The following TBC1D32 variants were observed in gnomAD, a reference collection of about 807,000 sequenced individuals.
The protein encoded by TBC1D32 is protein broad-minded.
In TBC1D32, 151 loss-of-function variants were observed where a neutral mutation model predicts 170.3. The observed-to-expected ratio is 0.89, with a 90% CI of 0.78 to 1.01. The LOEUF (loss-of-function observed/expected upper bound fraction) is 1.01. TBC1D32 is among the 50% of genes least tolerant of loss of function. TBC1D32 has a pLI of 0.00. For synonymous variants in TBC1D32, 498 were observed against 488.0 expected, an observed-to-expected ratio of 1.02 and a Z score of -0.27; for missense variants, 1,464 against 1,457.1, an observed-to-expected ratio of 1.00 and a Z score of -0.08.
intron 30 of TBC1D32, among the ~76,000 whole-genome samples, chr6:121,092,998 G>A (rs768561221): frequency 2.6e-5 from 4 of 152,104 alleles, no homozygotes; most frequent in Non-Finnish European, 5.9e-5. Flanking sequence ...GGTGTTAAGA[G>A]TTTCCTTTAC....
chr6:121,323,810 T>C (rs1583763063), intron 1 of TBC1D32, among the ~76,000 whole-genome samples: 2 of 152,190 alleles, frequency 1.3e-5, no homozygotes, highest in African/African-American at 4.8e-5. Flanking sequence ...CGTGGTGGCA[T>C]GTGGCTGTAG....
In TBC1D32 at chr6:121,186,439, C is replaced by T. The variant is rs146124218; in HGVS notation, c.2570+18636G>A. Among the ~76,000 whole-genome samples, 27 of 151,894 alleles carry T rather than the reference C, an allele frequency of 1.8e-4. No individual in the cohort carries two copies. The East Asian group carries it at 5.2e-3, about 29-fold the overall frequency. ...TAACAAAGCTTTAGATATAAAAAAA[C>T]AAAACTTAGATATAGATAATATATA... On this transcript the variant is annotated intron_variant, in intron 22 of 31. Coordinates refer to ENST00000398212, the MANE Select transcript of TBC1D32 (RefSeq NM_152730.6).
At chr6:121,240,601 CAT>C (rs1796849432) in intron 19 of TBC1D32, among the ~76,000 whole-genome samples, 1 of 151,464 alleles carries the variant, frequency 6.6e-6, no homozygotes, top group African/African-American at 2.4e-5. Flanking sequence ...TAATATAAGA[CAT>C]ATTGGCCGGG....
chr6:121,112,643 AT>A lies in TBC1D32; in HGVS notation c.3185del (p.Asn1062IlefsTer14). 1 of 1,585,378 alleles carries A rather than the reference AT, an allele frequency of 6.3e-7. No individual in the cohort carries two copies. The highest frequency in any genetic ancestry group is 1.2e-5 in the South Asian group (1 of 84,258). Reference sequence around the variant, plus strand: ...ATACAAACCAGTCATGGCCAGCATAATTCCCTTGCAGGCAGACTGAAAAACA... The same window carrying A: ...ATACAAACCAGTCATGGCCAGCATAATCCCTTGCAGGCAGACTGAAAAACA... ...IKSSLLCLQG[N>X]YAGHDWFVSS... On this transcript the variant is annotated frameshift_variant, in exon 29 of 32. Transcript: ENST00000398212. LOFTEE classifies it high-confidence loss of function.
intron 22 of TBC1D32, among the ~76,000 whole-genome samples, chr6:121,175,441 G>A (rs889288443): frequency 6.6e-6 from 1 of 152,144 alleles, no homozygotes; most frequent in African/African-American, 2.4e-5. Context: ...TAGAAATAAT[G>A]TAAAGCTTAG....
At chr6:121,249,267 C>T (rs1030107754) in intron 17 of TBC1D32, among the ~76,000 whole-genome samples, 1 of 151,276 alleles carries the variant, frequency 6.6e-6, no homozygotes, top group Non-Finnish European at 1.5e-5. Context: ...AATCTAGCAC[C>T]CCTTTAGATT....
At chr6:121,114,822 A>G (rs530242104) in intron 27 of TBC1D32, among the ~76,000 whole-genome samples, 45 of 152,194 alleles carry the variant, frequency 3.0e-4, no homozygotes, top group Non-Finnish European at 5.1e-4. Flanking sequence ...TCCTTCAGGT[A>G]CTTTTGTACT....
intron 15 of TBC1D32, among the ~76,000 whole-genome samples, chr6:121,270,482 C>T (rs368642602): frequency 1.3e-5 from 2 of 152,208 alleles, no homozygotes; most frequent in East Asian, 1.9e-4. Flanking sequence ...ACTATAAACA[C>T]CTCTACGCAA....
chr6:121,212,605 C>T (rs2128314012), intron 21 of TBC1D32, among the ~76,000 whole-genome samples: 1 of 152,080 alleles, frequency 6.6e-6, no homozygotes, highest in South Asian at 2.1e-4. Context: ...CAGGCATGTG[C>T]CACCACACCT....
chr6:121,249,953 C>A (rs1563076004), intron 17 of TBC1D32, among the ~76,000 whole-genome samples: 1 of 151,558 alleles, frequency 6.6e-6, no homozygotes, highest in Non-Finnish European at 1.5e-5. Flanking sequence ...AAAATACCAC[C>A]ATCATTCTTC....
chr6:121,294,459 A>T, intron 11 of TBC1D32, 111 bp downstream of exon 11: 1 of 687,754 alleles, frequency 1.5e-6, no homozygotes, highest in Non-Finnish European at 2.5e-6. Context: ...AGTAAAAGTG[A>T]CCTAATTTAC....
At chr6:121,190,117 CACACACACACA>C (rs1789774372) in intron 22 of TBC1D32, among the ~76,000 whole-genome samples, 1 of 138,662 alleles carries the variant, frequency 7.2e-6, no homozygotes, top group Non-Finnish European at 1.6e-5. Context: ...CACACACACA[CACACACACACA>C]CACGACCCTC....
Position 121,200,342 on chromosome 6 carries a change from T to C in TBC1D32, c.2570+4733A>G, listed in dbSNP as rs1011886290. On this transcript the variant is annotated intron_variant, in intron 22 of 31. Transcript: ENST00000398212. ...CCACAGCCTATAATAAAACTTAATGTGGTCAGTTTGATATAAAGAAAACTA... is the reference window on the plus strand; with the variant it reads ...CCACAGCCTATAATAAAACTTAATGCGGTCAGTTTGATATAAAGAAAACTA... Among the ~76,000 whole-genome samples the C allele has an allele frequency of 2.1e-4, 32 of 151,338 alleles. 2 individuals are homozygous for C. Among genetic ancestry groups the C allele is most frequent in the African/African-American group, 6.9e-4 (28 of 40,726 alleles).
At position 121,289,350 on chromosome 6, in the gene TBC1D32, A is replaced by G. The variant is rs181920511; in HGVS notation, c.1372+2703T>C. 6.2e-4 allele frequency among the ~76,000 whole-genome samples: 95 copies of G among 152,340 alleles called. 1 individual carries two copies. The highest frequency in any genetic ancestry group is 3.3e-3 in the Admixed American group (51 of 15,304). ...ATGTACAAAAATCACAGGCATTCCT[A>G]TACACCAATAACAGACAAACAGCCA... On this transcript the variant is annotated intron_variant, in intron 12 of 31. Transcript: ENST00000398212.
chr6:121,222,965 A>G (rs1361885062), intron 21 of TBC1D32, among the ~76,000 whole-genome samples: 3 of 152,160 alleles, frequency 2.0e-5, no homozygotes, highest in African/African-American at 7.2e-5. Flanking sequence ...AAAATCACTC[A>G]CATGTATACT....
intron 4 of TBC1D32, among the ~76,000 whole-genome samples, chr6:121,308,686 C>CTTCTTTTTTTTTTTTTT: frequency 8.9e-6 from 1 of 112,572 alleles, no homozygotes; most frequent in African/African-American, 3.9e-5. Flanking sequence ...AAGCTTACTT[C>CTTCTTTTTTTTTTTTTT]TTTTTTTTTT....
chr6:121,202,741 C>A (rs9385188), intron 22 of TBC1D32, among the ~76,000 whole-genome samples: 132,757 of 150,822 alleles, frequency 0.88, 59,277 homozygotes, highest in East Asian at 0.98. Flanking sequence ...GGAGAAAAGG[C>A]GTAGGGGTGA....
In TBC1D32 at chr6:121,281,582, G is replaced by A. The variant is rs1420970314; in HGVS notation, c.1570C>T (p.Leu524Phe). 4 of 1,606,190 alleles carry A rather than the reference G, an allele frequency of 2.5e-6. No individual in the cohort carries two copies. The highest frequency in any genetic ancestry group is 1.7e-4 in the Middle Eastern group (1 of 6,030). ...CLYNNIVIET[L>F]LQPIHNLMKG... is the part of the protein sequence containing the mutation. The stretch of plus-strand genomic sequence containing the variant: ...ATTAAATTGTGAATAGGCTGAAGAA[G>A]TGTCTCTATTACAATGTTGTTATAT... The change falls in exon 14 of 32, where the codon CTT becomes TTT. Residue 524 changes from leucine (L) to phenylalanine (F), a missense_variant. Around this residue, in one of 3 missense-constraint regions of TBC1D32, gnomAD observed 1,363 missense variants for 1,338.1 expected, o/e 1.02. Coordinates refer to ENST00000398212, the MANE Select transcript of TBC1D32 (RefSeq NM_152730.6).
chr6:121,108,179 A>G (rs1582805737), intron 29 of TBC1D32, among the ~76,000 whole-genome samples: 2 of 152,248 alleles, frequency 1.3e-5, no homozygotes, highest in East Asian at 3.9e-4. Flanking sequence ...TAGTTGGTCT[A>G]TTAATTACCA....
Sources: gnomAD v4.1 joint callset for allele counts (sites outside exome capture counted in the v4.1 genomes callset) on GRCh38, gnomAD v4.1.1 for gene constraint, gnomAD v4.1.1 regional missense constraint, MANE v1.5 for transcripts, NCBI Gene and HGNC (gene_info 2026-07-23, HGNC 2026-07-21) for gene names.